YAP1: variants seen among roughly 807,000 people sequenced by gnomAD.
YAP1 encodes transcriptional coactivator YAP1.
Under a neutral mutation model 56.9 loss-of-function variants are expected in YAP1, and 5 were observed. The observed-to-expected ratio is 0.09, with a 90% CI of 0.05 to 0.18. The LOEUF (loss-of-function observed/expected upper bound fraction) is 0.18. Ranked by LOEUF, YAP1 falls within the 10% of genes least tolerant of loss-of-function variation. The probability of loss-of-function intolerance (pLI) is 1.00; values close to 1 mark genes in which losing one functional copy is unlikely to be tolerated. For missense variants in YAP1, 539 were observed against 651.8 expected, an observed-to-expected ratio of 0.83 and a Z score of 1.88; for synonymous variants, 265 against 248.1, an observed-to-expected ratio of 1.07 and a Z score of -0.64.
rs373322870 is a variant in YAP1, at chr11:102,216,780, A to G, written c.1033-6842A>G. On this transcript the variant is annotated intron_variant, in intron 6 of 8. Coordinates refer to ENST00000282441, the MANE Select transcript of YAP1 (RefSeq NM_001130145.3). ...TTAAACTTCTGTTTTCCCAAAGGTA[A>G]CTAGGATAAATAGTTTGACAGACTT... Among the ~76,000 whole-genome samples the G allele has an allele frequency of 2.0e-4, 30 of 152,368 alleles. 1 individual carries two copies. The East Asian group carries it at 4.0e-3, about 21-fold the overall frequency.
chr11:102,191,522 A>G (rs1481108832), intron 4 of YAP1, among the ~76,000 whole-genome samples: 1 of 152,232 alleles, frequency 6.6e-6, no homozygotes, highest in Admixed American at 6.5e-5. Flanking sequence ...ATTTAGATTC[A>G]ATGCAGTTAA....
chr11:102,204,424 T>G (rs1245593036), intron 4 of YAP1, among the ~76,000 whole-genome samples: 1 of 152,166 alleles, frequency 6.6e-6, no homozygotes, highest in African/African-American at 2.4e-5. Flanking sequence ...TGACCCATAC[T>G]CCTGTGGCAC....
chr11:102,143,076 C>T (rs1945111287), intron 2 of YAP1, among the ~76,000 whole-genome samples: 1 of 152,172 alleles, frequency 6.6e-6, no homozygotes, highest in South Asian at 2.1e-4. Flanking sequence ...ATGTGTCACT[C>T]CAAAGCAGGA....
chr11:102,212,686 A>G (rs1949465302), intron 6 of YAP1, among the ~76,000 whole-genome samples: 1 of 152,018 alleles, frequency 6.6e-6, no homozygotes, highest in East Asian at 1.9e-4. Flanking sequence ...CCGGGTTCAA[A>G]TGATTCTGCC....
chr11:102,133,833 G>C (rs1267806784), intron 2 of YAP1, among the ~76,000 whole-genome samples: 3 of 152,166 alleles, frequency 2.0e-5, no homozygotes, highest in Non-Finnish European at 2.9e-5. Context: ...GCCCAAACGA[G>C]AGAAATTTAT....
At chr11:102,175,615 C>T (rs1237393861) in intron 3 of YAP1, among the ~76,000 whole-genome samples, 1 of 152,072 alleles carries the variant, frequency 6.6e-6, no homozygotes, top group East Asian at 1.9e-4. Context: ...CTTACACAAA[C>T]CTAGATGGTA....
At chr11:102,212,620 T>G (rs528787591) in intron 6 of YAP1, among the ~76,000 whole-genome samples, 1 of 152,164 alleles carries the variant, frequency 6.6e-6, no homozygotes, top group Non-Finnish European at 1.5e-5. Flanking sequence ...GTTTTGCCCT[T>G]GTCGCCCAGG....
intron 2 of YAP1, among the ~76,000 whole-genome samples, chr11:102,125,194 G>A (rs1179419329): frequency 1.3e-5 from 2 of 151,612 alleles, no homozygotes; most frequent in Non-Finnish European, 2.9e-5. Context: ...TTTTGTGTGT[G>A]TATGTTTTGT....
intron 2 of YAP1, among the ~76,000 whole-genome samples, chr11:102,114,901 A>G (rs1292553090): frequency 6.6e-6 from 1 of 152,178 alleles, no homozygotes; most frequent in African/African-American, 2.4e-5. Flanking sequence ...ACTACAACTG[A>G]AGCTTGATGT....
intron 3 of YAP1, among the ~76,000 whole-genome samples, chr11:102,167,176 G>T (rs1946661039): frequency 6.6e-6 from 1 of 152,132 alleles, no homozygotes; most frequent in Admixed American, 6.5e-5. Flanking sequence ...CCTGGAAAAG[G>T]TTCTAGAGGC....
Position 102,150,802 on chromosome 11 carries a change from G to GTTTTTTTTT in YAP1, c.573-11645_573-11637dup, listed in dbSNP as rs370378973. On this transcript the variant is annotated intron_variant, in intron 2 of 8. Coordinates refer to ENST00000282441, the MANE Select transcript of YAP1 (RefSeq NM_001130145.3). ...TTCAGTGAAAACATACATACAAATG[G>GTTTTTTTTT]TTTTTTTTTTTTTTTTTGGAGACAG... 7.1e-3 allele frequency among the ~76,000 whole-genome samples: 764 copies of GTTTTTTTTT among 107,938 alleles called. 30 individuals carry two copies. Among genetic ancestry groups the GTTTTTTTTT allele is most frequent in the East Asian group, 0.036 (124 of 3,426 alleles). 70.8% of individuals were successfully genotyped at this position (107,938 alleles called of 152,430 possible). A position where few individuals can be genotyped will look rare whatever the true frequency, so the allele number is the denominator to read the frequency against.
chr11:102,139,375 T>C (rs1469783925), intron 2 of YAP1, among the ~76,000 whole-genome samples: 1 of 152,164 alleles, frequency 6.6e-6, no homozygotes, highest in Non-Finnish European at 1.5e-5. Context: ...GCAAAGTTGC[T>C]GAGCAAGTCC....
intron 4 of YAP1, among the ~76,000 whole-genome samples, chr11:102,191,195 C>T (rs1280157257): frequency 2.6e-5 from 4 of 151,630 alleles, no homozygotes; most frequent in Non-Finnish European, 1.5e-5. Flanking sequence ...AAATTATTAA[C>T]TGATAAAACT....
intron 6 of YAP1, among the ~76,000 whole-genome samples, chr11:102,220,177 T>C (rs922505476): frequency 2.6e-5 from 4 of 152,016 alleles, no homozygotes; most frequent in African/African-American, 4.8e-5. Context: ...GGGCGACATA[T>C]AGTGAGACCT....
intron 3 of YAP1, among the ~76,000 whole-genome samples, chr11:102,176,745 C>CAAAAAAAAAAAAAAAAAAAAAAAAAAA (rs57082707): frequency 2.4e-4 from 11 of 45,512 alleles, no homozygotes; most frequent in East Asian, 8.3e-4. Context: ...GACTCCGTCT[C>CAAAAAAAAAAAAAAAAAAAAAAAAAAA]AAAAAAAAAA....
chr11:102,209,633 C>CT, intron 6 of YAP1, 69 bp downstream of exon 6: 1 of 1,411,364 alleles, frequency 7.1e-7, no homozygotes, highest in South Asian at 1.3e-5. Context: ...GAAAGAGAAA[C>CT]TTACATTCCA....
intron 2 of YAP1, among the ~76,000 whole-genome samples, chr11:102,128,324 T>A (rs536613533): frequency 5.9e-5 from 9 of 152,212 alleles, no homozygotes; most frequent in Admixed American, 5.2e-4. Context: ...GGGTCTAGTC[T>A]TTCCCGTGCT....
chr11:102,180,756 T>A (rs1391525607), intron 3 of YAP1, among the ~76,000 whole-genome samples: 1 of 145,242 alleles, frequency 6.9e-6, no homozygotes. Flanking sequence ...GACATAGATA[T>A]AAAGAAATTT....
At chr11:102,194,441 A>G (rs567685508) in intron 4 of YAP1, among the ~76,000 whole-genome samples, 14 of 152,336 alleles carry the variant, frequency 9.2e-5, no homozygotes, top group Non-Finnish European at 1.5e-4. Flanking sequence ...TCTCCTGTGC[A>G]TTACTAATAG....
Sources: gnomAD v4.1 joint callset for allele counts (sites outside exome capture counted in the v4.1 genomes callset) on GRCh38, gnomAD v4.1.1 for gene constraint, MANE v1.5 for transcripts, NCBI Gene and HGNC (gene_info 2026-07-23, HGNC 2026-07-21) for gene names.